Variants in TENT5D observed in about 807,000 individuals in gnomAD.
TENT5D encodes the protein cancer/testis antigen 112.
For synonymous variants in TENT5D, 103 were observed against 100.6 expected (o/e 1.02, Z -0.15); for missense variants, 191 against 287.0 (o/e 0.67, Z 2.42).
intron 2 of TENT5D, among the ~76,000 whole-genome samples, chrX:80,337,199 CATTTT>C (rs1293149313): frequency 9.0e-6 from 1 of 111,499 alleles, no homozygotes; most frequent in Non-Finnish European, 1.9e-5. Context: ...GAAAATATAA[CATTTT>C]AGTTGTATAT....
At chrX:80,429,131 TG>T (rs1030762183) in intron 1 of TENT5D, among the ~76,000 whole-genome samples, 7 of 111,432 alleles carry the variant, frequency 6.3e-5, no homozygotes, top group African/African-American at 3.3e-5. Flanking sequence ...GCCCTGGACC[TG>T]GTGACTTGCA....
intron 2 of TENT5D, among the ~76,000 whole-genome samples, chrX:80,441,748 T>G (rs1263004343): frequency 9.0e-6 from 1 of 111,413 alleles, no homozygotes; most frequent in Non-Finnish European, 1.9e-5. Flanking sequence ...GCATATTATA[T>G]TGCAAATCTG....
intron 3 of TENT5D, among the ~76,000 whole-genome samples, chrX:80,407,783 A>C (rs1931536781): frequency 9.4e-6 from 1 of 106,916 alleles, no homozygotes; most frequent in Non-Finnish European, 1.9e-5. Context: ...TCCACCCCAA[A>C]TCAACAGAAT....
intron 3 of TENT5D, among the ~76,000 whole-genome samples, chrX:80,357,869 C>T (rs1930320291): frequency 9.0e-6 from 1 of 111,538 alleles, no homozygotes; most frequent in Non-Finnish European, 1.9e-5. Flanking sequence ...CAATTCTAAG[C>T]AAAACGAACA....
chrX:80,418,129 C>T (rs1931811943), upstream of TENT5D, among the ~76,000 whole-genome samples: 1 of 110,778 alleles, frequency 9.0e-6, no homozygotes, highest in South Asian at 3.8e-4. Context: ...ACATAAAAAT[C>T]ATTCTTACTT....
chrX:80,409,453 T>A (rs1006484283), intron 3 of TENT5D, among the ~76,000 whole-genome samples: 14 of 110,804 alleles, frequency 1.3e-4, no homozygotes, highest in Non-Finnish European at 2.5e-4. Flanking sequence ...TATACACCAA[T>A]AACAGACAAA....
At chrX:80,396,805 G>A (rs1275779009) in intron 3 of TENT5D, among the ~76,000 whole-genome samples, 2 of 101,169 alleles carry the variant, frequency 2.0e-5, no homozygotes, top group East Asian at 3.2e-4. Context: ...TCCCAGACGG[G>A]GTGGTGGCCG....
chrX:80,343,500 C>T (rs5959025), intron 3 of TENT5D, among the ~76,000 whole-genome samples: 169 of 106,555 alleles, frequency 1.6e-3, no homozygotes, highest in African/African-American at 5.4e-3. Context: ...TGGGTTTAAG[C>T]GATTCTCCTG....
At chrX:80,356,767 A>G (rs1054355244) in intron 3 of TENT5D, among the ~76,000 whole-genome samples, 13 of 110,964 alleles carry the variant, frequency 1.2e-4, no homozygotes, top group Admixed American at 1.2e-3. Context: ...TTATTTTTTT[A>G]TTTTTTAGTA....
intron 3 of TENT5D, among the ~76,000 whole-genome samples, chrX:80,382,843 A>G (rs1200381779): frequency 8.9e-6 from 1 of 112,300 alleles, no homozygotes; most frequent in Non-Finnish European, 1.9e-5. Flanking sequence ...TGCTAAGACC[A>G]TTAGAAAAGT....
At chrX:80,444,499 T>A (rs73223491) in exon 3 of TENT5D, 14,278 of 121,894 alleles carry the variant, frequency 0.12, 939 homozygotes, top group East Asian at 0.48. Flanking sequence ...AATGACCAGC[T>A]CTGAATGTGA....
chrX:80,372,629 G>A (rs1411007297), intron 3 of TENT5D, among the ~76,000 whole-genome samples: 1 of 110,967 alleles, frequency 9.0e-6, no homozygotes, highest in Non-Finnish European at 1.9e-5. Context: ...GCTCATTCCT[G>A]TAATCCCAGC....
At chrX:80,393,118 T>C (rs745390375) in intron 3 of TENT5D, among the ~76,000 whole-genome samples, 61 of 110,938 alleles carry the variant, frequency 5.5e-4, no homozygotes, top group South Asian at 3.2e-3. Flanking sequence ...AACTTGTTGG[T>C]TGAACATAAT....
intron 1 of TENT5D, among the ~76,000 whole-genome samples, chrX:80,426,414 A>G (rs1211182100): frequency 1.8e-5 from 2 of 111,834 alleles, no homozygotes; most frequent in African/African-American, 6.5e-5. Flanking sequence ...ATTAATGTTA[A>G]CCCCAATTTT....
chrX:80,349,647 T>G lies in TENT5D; in HGVS notation c.-142+7083T>G, dbSNP rs186649602. Among the ~76,000 whole-genome samples the G allele has an allele frequency of 4.9e-3, 550 of 111,417 alleles. 5 individuals are homozygous for G. The highest frequency in any genetic ancestry group is 0.016 in the African/African-American group (487 of 30,636). On this transcript the variant is annotated intron_variant, in intron 3 of 4. Transcript: ENST00000538312. The stretch of plus-strand genomic sequence containing the variant: ...TTGAAGGGTTTCTCGTGTCTCTATC[T>G]CCTTCAGTTCTGCTCTAATCTTAGC...
At chrX:80,431,980 A>AT (rs988396812) in intron 1 of TENT5D, among the ~76,000 whole-genome samples, 7 of 111,061 alleles carry the variant, frequency 6.3e-5, no homozygotes, top group African/African-American at 2.3e-4. Context: ...AGGTTTTCAG[A>AT]TAAATAGGTT....
chrX:80,342,636 A>C (rs1320025729), intron 3 of TENT5D: 1 of 112,376 alleles, frequency 8.9e-6, no homozygotes, highest in Non-Finnish European at 1.9e-5. Flanking sequence ...TAACTTGTTA[A>C]AGACCATACA....
chrX:80,417,440 G>GTT (rs57010295), upstream of TENT5D, among the ~76,000 whole-genome samples: 2 of 92,681 alleles, frequency 2.2e-5, no homozygotes, highest in South Asian at 5.1e-4. Context: ...GCTGGTAATA[G>GTT]TTTTTTTTTT....
At chrX:80,346,708 T>C (rs1930069931) in intron 3 of TENT5D, among the ~76,000 whole-genome samples, 2 of 111,461 alleles carry the variant, frequency 1.8e-5, no homozygotes, top group Middle Eastern at 4.7e-3. Flanking sequence ...ATGTGCTGAA[T>C]GTACAGGTTT....
Sources: gnomAD v4.1 joint callset for allele counts (sites outside exome capture counted in the v4.1 genomes callset) on GRCh38, gnomAD v4.1.1 for gene constraint, MANE v1.5 for transcripts, NCBI Gene and HGNC (gene_info 2026-07-23, HGNC 2026-07-21) for gene names.